ELOVL5: variants seen among roughly 807,000 people sequenced by gnomAD.
The protein encoded by ELOVL5 is ELOVL fatty acid elongase 5.
Under a neutral mutation model 38.6 loss-of-function variants are expected in ELOVL5, and 8 were observed. That is an observed-to-expected ratio of 0.21 (90% CI 0.12 to 0.37). The LOEUF is 0.37. Among genes scored for constraint, ELOVL5 ranks in the 10% least tolerant of loss-of-function variants. The pLI is 1.00. For synonymous variants in ELOVL5, 127 were observed against 133.7 expected (o/e 0.95, Z 0.34); for missense variants, 280 against 367.8 (o/e 0.76, Z 1.95).
chr6:53,274,223 C>G (rs1766026376), intron 5 of ELOVL5, among the ~76,000 whole-genome samples: 1 of 140,328 alleles, frequency 7.1e-6, no homozygotes, highest in South Asian at 2.3e-4. Context: ...AATCCACCAT[C>G]ATGAGCTCTG....
chr6:53,327,722 A>G (rs1181668172), intron 1 of ELOVL5, among the ~76,000 whole-genome samples: 1 of 152,166 alleles, frequency 6.6e-6, no homozygotes, highest in Non-Finnish European at 1.5e-5. Context: ...ACTTTTTTTA[A>G]AAGTCCCTCT....
chr6:53,298,099 A>C (rs911565581), intron 1 of ELOVL5, among the ~76,000 whole-genome samples: 18 of 152,244 alleles, frequency 1.2e-4, no homozygotes, highest in African/African-American at 3.4e-4. Flanking sequence ...CCAAGTTTTG[A>C]AAGACAACCA....
chr6:53,321,476 T>C (rs1332042087), intron 1 of ELOVL5, among the ~76,000 whole-genome samples: 1 of 152,228 alleles, frequency 6.6e-6, no homozygotes, highest in Non-Finnish European at 1.5e-5. Context: ...GCAATAAACA[T>C]CTTTACACAT....
chr6:53,290,430 A>AACACAC (rs1252977662), intron 3 of ELOVL5: 1 of 152,196 alleles, frequency 6.6e-6, no homozygotes, highest in Non-Finnish European at 1.5e-5. Flanking sequence ...TTGTCCCTTG[A>AACACAC]ACACAGAAAT....
intron 1 of ELOVL5, among the ~76,000 whole-genome samples, chr6:53,310,769 T>C (rs1767797817): frequency 6.6e-6 from 1 of 152,172 alleles, no homozygotes; most frequent in Admixed American, 6.5e-5. Context: ...TAAAAGTACA[T>C]CTTAAAGCTA....
At chr6:53,297,604 A>G (rs1767061724) in intron 1 of ELOVL5, among the ~76,000 whole-genome samples, 1 of 152,088 alleles carries the variant, frequency 6.6e-6, no homozygotes, top group African/African-American at 2.4e-5. Context: ...TACTTTACTT[A>G]ATTGTTCGAT....
chr6:53,277,833 G>A (rs962974252), intron 3 of ELOVL5: 9 of 152,196 alleles, frequency 5.9e-5, no homozygotes, highest in Admixed American at 3.9e-4. Flanking sequence ...GGGGTGGAGA[G>A]GGAAGGGCCA....
intron 1 of ELOVL5, among the ~76,000 whole-genome samples, chr6:53,348,568 G>T (rs892435869): frequency 6.6e-6 from 1 of 152,128 alleles, no homozygotes; most frequent in Non-Finnish European, 1.5e-5. Flanking sequence ...CCTCAGCCTC[G>T]GCGTGGGGCG....
chr6:53,331,859 A>G (rs1034178481), intron 1 of ELOVL5, among the ~76,000 whole-genome samples: 1 of 152,238 alleles, frequency 6.6e-6, no homozygotes, highest in Non-Finnish European at 1.5e-5. Flanking sequence ...GGTTTATTTT[A>G]GCTCACAGTT....
Position 53,301,503 on chromosome 6 carries a change from C to T in ELOVL5, c.-8-5796G>A, listed in dbSNP as rs542891737. Reference sequence around the variant, plus strand: ...CCAGCACTTCCCAGGAAAAAGACCACGCTGACACCAAGCCAAAGCATCGAT... The same window carrying T: ...CCAGCACTTCCCAGGAAAAAGACCATGCTGACACCAAGCCAAAGCATCGAT... On this transcript the variant is annotated intron_variant, in intron 1 of 7. Coordinates refer to ENST00000304434, the MANE Select transcript of ELOVL5 (RefSeq NM_021814.5). Among the ~76,000 whole-genome samples, 136 of 152,288 alleles carry T rather than the reference C, an allele frequency of 8.9e-4. 3 individuals carry two copies. In the South Asian group the frequency reaches 0.026, roughly 29 times the overall value.
intron 1 of ELOVL5, among the ~76,000 whole-genome samples, chr6:53,320,771 A>G (rs1768273174): frequency 6.6e-6 from 1 of 152,164 alleles, no homozygotes; most frequent in Non-Finnish European, 1.5e-5. Flanking sequence ...GCAGCCTTAA[A>G]AAGTTCTTAG....
chr6:53,348,510 G>A (rs1250666298), intron 1 of ELOVL5, among the ~76,000 whole-genome samples: 2 of 152,180 alleles, frequency 1.3e-5, no homozygotes, highest in Non-Finnish European at 2.9e-5. Flanking sequence ...GCGCCTGTCA[G>A]CGCGCACAGG....
rs533932339 is a variant in ELOVL5 at position 53,322,210 on chromosome 6, G to A, written c.-8-26503C>T. Among the ~76,000 whole-genome samples the A allele has an allele frequency of 5.3e-5, 8 of 152,230 alleles. 1 individual carries two copies. Among genetic ancestry groups the A allele is most frequent in the Admixed American group, 2.0e-4 (3 of 15,298 alleles). ...CCATCCACAGCTTTACAGGAACCCC[G>A]TAAACAAGGGAAAATTCACTTCTGG... On this transcript the variant is annotated intron_variant, in intron 1 of 7. Transcript: ENST00000304434.
chr6:53,295,679 T>A lies in ELOVL5; in HGVS notation c.21A>T (p.Ser7=). 6.3e-7 allele frequency: 1 copy of A among 1,595,906 alleles called. No individual in the cohort carries two copies. Among genetic ancestry groups the A allele is most frequent in the Non-Finnish European group, 8.5e-7 (1 of 1,174,998 alleles). ...GCAATGCCTTGAAATAGGTACTAAG[T>A]GATGCATCAAAATGTTCCATTTGAA... MEHFDA[S]LSTYFKALLG... is the part of the protein sequence containing the mutation. Residue 7 remains serine, a synonymous_variant, in exon 2 of 8, where the codon TCA becomes TCT. Transcript: ENST00000304434.
intron 1 of ELOVL5, among the ~76,000 whole-genome samples, chr6:53,322,045 T>C (rs563364996): frequency 6.6e-6 from 1 of 152,332 alleles, no homozygotes; most frequent in South Asian, 2.1e-4. Context: ...TTAAAACCTC[T>C]AAGAAGTATT....
chr6:53,298,441 T>C (rs1253847813), intron 1 of ELOVL5, among the ~76,000 whole-genome samples: 1 of 152,250 alleles, frequency 6.6e-6, no homozygotes, highest in Non-Finnish European at 1.5e-5. Context: ...AACGGACTTT[T>C]GCTAGATTAT....
chr6:53,338,099 G>A (rs1163161034), intron 1 of ELOVL5, among the ~76,000 whole-genome samples: 2 of 152,198 alleles, frequency 1.3e-5, no homozygotes, highest in Non-Finnish European at 2.9e-5. Flanking sequence ...AAGGGTGGAT[G>A]GTGGGTGGGT....
chr6:53,304,165 G>A lies in ELOVL5; in HGVS notation c.-8-8458C>T, dbSNP rs1396716373. Among the ~76,000 whole-genome samples the A allele has an allele frequency of 2.0e-5, 3 of 152,182 alleles. No homozygotes were observed. The East Asian group carries it at 5.8e-4, about 29-fold the overall frequency. On this transcript the variant is annotated intron_variant, in intron 1 of 7. Coordinates refer to ENST00000304434, the MANE Select transcript of ELOVL5 (RefSeq NM_021814.5). Reference sequence around the variant, plus strand: ...ATTATCTATTGGTGATACTATAAATGAGGAGATACACCTGTTATTACAAAA... The same window carrying A: ...ATTATCTATTGGTGATACTATAAATAAGGAGATACACCTGTTATTACAAAA...
At chr6:53,314,674 C>T (rs1767963007) in intron 1 of ELOVL5, among the ~76,000 whole-genome samples, 2 of 151,868 alleles carry the variant, frequency 1.3e-5, no homozygotes, top group South Asian at 4.2e-4. Context: ...CACTTCAAAA[C>T]ACAGAAATTG....
Sources: gnomAD v4.1 joint callset for allele counts (sites outside exome capture counted in the v4.1 genomes callset) on GRCh38, gnomAD v4.1.1 for gene constraint, MANE v1.5 for transcripts, NCBI Gene and HGNC (gene_info 2026-07-23, HGNC 2026-07-21) for gene names.